The following CUL3 variants were observed in gnomAD, a reference collection of about 807,000 sequenced individuals.
CUL3 encodes cullin 3, also known as cullin-3.
Under a neutral mutation model 89.1 loss-of-function variants are expected in CUL3, and 19 were observed. The ratio of observed to expected loss-of-function variants is 0.21; its 90% confidence interval spans 0.15 to 0.31. CUL3 has a LOEUF of 0.31. Among genes scored for constraint, CUL3 ranks in the 10% least tolerant of loss-of-function variants. The probability of loss-of-function intolerance (pLI) is 1.00; values close to 1 mark genes in which losing one functional copy is unlikely to be tolerated. For missense variants in CUL3, 469 were observed against 942.3 expected (o/e 0.50, Z 6.58); for synonymous variants, 351 against 308.4 (o/e 1.14, Z -1.45).
chr2:224,495,366 G>A lies in CUL3; in HGVS notation c.1842+466C>T, dbSNP rs564320968. 2.6e-5 allele frequency: 4 copies of A among 152,636 alleles called. No homozygotes were observed. In the East Asian group the frequency reaches 5.8e-4, roughly 22 times the overall value. 9.5% of individuals were successfully genotyped at this position (152,636 alleles called of 1,614,324 possible). ...CCCAAATGCAGGTGAACTGACAAAG[G>A]ATTAAAGCATACAGACAACATGTAT... On this transcript the variant is annotated intron_variant, in intron 13 of 15. Transcript: ENST00000264414.
At chr2:224,490,666 G>T (rs931489065) in intron 13 of CUL3, among the ~76,000 whole-genome samples, 2 of 149,096 alleles carry the variant, frequency 1.3e-5, no homozygotes, top group African/African-American at 2.5e-5. Flanking sequence ...GTATACCTAT[G>T]TAACAAACTT....
intron 1 of CUL3, among the ~76,000 whole-genome samples, chr2:224,565,431 G>A (rs1177790844): frequency 1.3e-5 from 2 of 152,124 alleles, no homozygotes; most frequent in Non-Finnish European, 2.9e-5. Flanking sequence ...AGGGAGGCAG[G>A]AGAGGGAGCC....
intron 14 of CUL3, chr2:224,479,657 G>C (rs936212166): frequency 6.6e-6 from 1 of 152,128 alleles, no homozygotes; most frequent in Non-Finnish European, 1.5e-5. Flanking sequence ...GGAAACTACT[G>C]AGATATTTGT....
chr2:224,529,978 C>T (rs982168916), intron 3 of CUL3, among the ~76,000 whole-genome samples: 9 of 152,140 alleles, frequency 5.9e-5, no homozygotes, highest in African/African-American at 2.2e-4. Context: ...GTGGCTCACA[C>T]CTGTAATTCT....
At chr2:224,526,585 C>CAAAAAAAAAAA (rs1166152595) in intron 3 of CUL3, among the ~76,000 whole-genome samples, 11 of 26,164 alleles carry the variant, frequency 4.2e-4, no homozygotes, top group Non-Finnish European at 5.7e-4. Context: ...GACTCCGTCT[C>CAAAAAAAAAAA]AAAAAAAAAA....
At chr2:224,503,492 A>T (rs1257771524) in intron 9 of CUL3, among the ~76,000 whole-genome samples, 160 bp downstream of exon 9, 1 of 152,218 alleles carries the variant, frequency 6.6e-6, no homozygotes, top group Non-Finnish European at 1.5e-5. Context: ...AACTTGAACA[A>T]ATGTTAGTGT....
Position 224,581,287 on chromosome 2 carries a change from TG to T in CUL3, c.66+3656del, listed in dbSNP as rs376632805. Reference sequence around the variant, plus strand: ...GCACACGCCTGTAATCCCAGCTACTTGGGGAGGCTGAGGCAGAAGAATCGCT... The same window carrying T: ...GCACACGCCTGTAATCCCAGCTACTTGGGAGGCTGAGGCAGAAGAATCGCT... On this transcript the variant is annotated intron_variant, in intron 1 of 15. Coordinates refer to ENST00000264414, the MANE Select transcript of CUL3 (RefSeq NM_003590.5). 2.2e-3 allele frequency among the ~76,000 whole-genome samples: 324 copies of T among 150,564 alleles called. 3 individuals are homozygous for T. Among genetic ancestry groups the T allele is most frequent in the African/African-American group, 7.1e-3 (291 of 40,996 alleles).
chr2:224,521,629 C>A (rs1002054951), intron 3 of CUL3, among the ~76,000 whole-genome samples: 2 of 151,952 alleles, frequency 1.3e-5, no homozygotes, highest in Non-Finnish European at 2.9e-5. Context: ...TGGGGTTTCA[C>A]CATGTTGGGC....
intron 15 of CUL3, among the ~76,000 whole-genome samples, chr2:224,477,839 C>T (rs567774372): frequency 5.2e-4 from 79 of 152,304 alleles, no homozygotes; most frequent in Non-Finnish European, 9.1e-4. Flanking sequence ...GGGTCTTCCC[C>T]TCCTTAGTTT....
At chr2:224,541,882 G>T (rs1296454270) in intron 2 of CUL3, among the ~76,000 whole-genome samples, 2 of 152,104 alleles carry the variant, frequency 1.3e-5, no homozygotes, top group African/African-American at 4.8e-5. Flanking sequence ...CAGATCAGTG[G>T]TTGTCAGGAA....
At chr2:224,577,847 G>T (rs1035292923) in intron 1 of CUL3, among the ~76,000 whole-genome samples, 7 of 152,122 alleles carry the variant, frequency 4.6e-5, no homozygotes, top group African/African-American at 1.7e-4. Flanking sequence ...CTGCTACACA[G>T]AAGTTAAACG....
intron 2 of CUL3, among the ~76,000 whole-genome samples, chr2:224,552,977 T>A (rs537272162): frequency 1.3e-5 from 2 of 152,230 alleles, no homozygotes; most frequent in Non-Finnish European, 2.9e-5. Context: ...AATGCAGAGA[T>A]AGGCAGTACT....
At chr2:224,519,989 C>T (rs540016135) in intron 3 of CUL3, among the ~76,000 whole-genome samples, 7 of 151,056 alleles carry the variant, frequency 4.6e-5, no homozygotes, top group Non-Finnish European at 8.9e-5. Flanking sequence ...AGGCTTTGAC[C>T]AAAATGTAGT....
intron 2 of CUL3, among the ~76,000 whole-genome samples, chr2:224,540,404 T>TA (rs576421225): frequency 3.7e-4 from 53 of 144,956 alleles, no homozygotes; most frequent in African/African-American, 1.2e-3. Flanking sequence ...ACTTTATATT[T>TA]AAAAAAAAAA....
At chr2:224,581,515 T>C (rs1177459733) in intron 1 of CUL3, among the ~76,000 whole-genome samples, 2 of 151,442 alleles carry the variant, frequency 1.3e-5, no homozygotes, top group African/African-American at 4.8e-5. Flanking sequence ...TTTCTTTTTT[T>C]TTTTTTTGAG....
At chr2:224,573,600 G>C (rs898469409) in intron 1 of CUL3, among the ~76,000 whole-genome samples, 1 of 152,178 alleles carries the variant, frequency 6.6e-6, no homozygotes, top group African/African-American at 2.4e-5. Context: ...TTTGTAAAGA[G>C]AGTAGTGCAT....
chr2:224,510,096 G>C (rs942404797), intron 6 of CUL3, among the ~76,000 whole-genome samples: 1 of 151,946 alleles, frequency 6.6e-6, no homozygotes, highest in Non-Finnish European at 1.5e-5. Context: ...TTATTGTCTA[G>C]GACTATTTTC....
chr2:224,531,781 T>C (rs887792950), intron 3 of CUL3, among the ~76,000 whole-genome samples: 3 of 152,044 alleles, frequency 2.0e-5, no homozygotes, highest in African/African-American at 7.3e-5. Context: ...AGACAGAAGA[T>C]ATGTAAAAGA....
rs534810140 is a variant in CUL3 at position 224,550,573 on chromosome 2, C to A, written c.264+7086G>T. ...AAACTAACCTGTTCAAAATGGAGCT[C>A]CTTTGTCTGCCCCACCGTATCAGAA... On this transcript the variant is annotated intron_variant, in intron 2 of 15. Coordinates refer to ENST00000264414, the MANE Select transcript of CUL3 (RefSeq NM_003590.5). Among the ~76,000 whole-genome samples the A allele has an allele frequency of 8.3e-4, 126 of 152,264 alleles. 1 individual carries two copies. The highest frequency in any genetic ancestry group is 2.8e-3 in the African/African-American group (118 of 41,554).
Sources: gnomAD v4.1 joint callset for allele counts (sites outside exome capture counted in the v4.1 genomes callset) on GRCh38, gnomAD v4.1.1 for gene constraint, MANE v1.5 for transcripts, NCBI Gene and HGNC (gene_info 2026-07-23, HGNC 2026-07-21) for gene names.